Variants in ZNF566 observed in about 807,000 individuals in gnomAD.
The protein encoded by ZNF566 is zinc finger protein 566.
In ZNF566, 27 loss-of-function variants were observed where a neutral mutation model predicts 32.8. That is an observed-to-expected ratio of 0.82 (90% confidence interval 0.61 to 1.14). ZNF566 has a LOEUF of 1.14. ZNF566 is among the 50% of genes most tolerant of loss of function. ZNF566 has a pLI of 0.00. For synonymous variants in ZNF566, 154 were observed against 159.5 expected (o/e 0.97, Z 0.26); for missense variants, 402 against 490.4 (o/e 0.82, Z 1.70).
At chr19:36,480,090 G>T (rs1312219750) in intron 1 of ZNF566, among the ~76,000 whole-genome samples, 3 of 151,944 alleles carry the variant, frequency 2.0e-5, no homozygotes, top group Non-Finnish European at 4.4e-5. Flanking sequence ...CATTTATTTG[G>T]AAATTAGAAG....
chr19:36,458,131 GA>G (rs1182874208), intron 4 of ZNF566, among the ~76,000 whole-genome samples: 4 of 151,884 alleles, frequency 2.6e-5, no homozygotes, highest in East Asian at 1.9e-4. Flanking sequence ...CAGTATGGGG[GA>G]AAAAAAATCT....
chr19:36,487,280 T>C (rs965809715), intron 1 of ZNF566, among the ~76,000 whole-genome samples: 3 of 152,050 alleles, frequency 2.0e-5, no homozygotes, highest in Non-Finnish European at 4.4e-5. Flanking sequence ...ACATGAGAGC[T>C]TCGTAGTATC....
At chr19:36,452,719 CAA>C (rs757984502) in intron 4 of ZNF566, among the ~76,000 whole-genome samples, 86 of 151,886 alleles carry the variant, frequency 5.7e-4, no homozygotes, top group Non-Finnish European at 1.1e-3. Flanking sequence ...AGGACACTAA[CAA>C]TATAAAAATA....
At chr19:36,457,189 T>C (rs1053460358) in intron 4 of ZNF566, among the ~76,000 whole-genome samples, 1 of 152,188 alleles carries the variant, frequency 6.6e-6, no homozygotes, top group Non-Finnish European at 1.5e-5. Context: ...AGAAACTGGA[T>C]AGCCACATGC....
Position 36,473,019 on chromosome 19 carries a change from G to A in ZNF566, c.137-13C>T, listed in dbSNP as rs2033804021. 6.2e-7 allele frequency: 1 copy of A among 1,604,976 alleles called. No homozygotes were observed. The highest frequency in any genetic ancestry group is 2.2e-5 in the East Asian group (1 of 44,812). On this transcript the variant is annotated splice_polypyrimidine_tract_variant and intron_variant, in intron 3 of 4. Coordinates refer to ENST00000452939, the MANE Select transcript of ZNF566 (RefSeq NM_001145344.1). ...GAAATAGAATGCCCTGCTTACAAAA[G>A]AAGTAACAAAACAAATTTATCATGA...
intron 1 of ZNF566, among the ~76,000 whole-genome samples, chr19:36,477,122 T>C (rs982188651): frequency 1.8e-4 from 27 of 152,244 alleles, no homozygotes; most frequent in Middle Eastern, 3.4e-3. Flanking sequence ...GCGATTCTTC[T>C]GCCTCAGCCT....
chr19:36,481,934 CATT>C (rs1264269256), intron 1 of ZNF566, among the ~76,000 whole-genome samples: 1 of 152,062 alleles, frequency 6.6e-6, no homozygotes, highest in Non-Finnish European at 1.5e-5. Flanking sequence ...CAGAATGTAT[CATT>C]AAGAGAAAGA....
chr19:36,456,145 C>T (rs1159796216), intron 4 of ZNF566, among the ~76,000 whole-genome samples: 1 of 151,828 alleles, frequency 6.6e-6, no homozygotes, highest in Non-Finnish European at 1.5e-5. Flanking sequence ...ATCAAGAAGA[C>T]AATCCCATGT....
At chr19:36,487,703 T>C (rs1300787956) in intron 1 of ZNF566, among the ~76,000 whole-genome samples, 1 of 151,972 alleles carries the variant, frequency 6.6e-6, no homozygotes, top group Non-Finnish European at 1.5e-5. Flanking sequence ...AGGTCAGGAC[T>C]AGCTTTGCCA....
In ZNF566 at chr19:36,472,948, C is replaced by A. The variant is rs750951939; in HGVS notation, c.195G>T (p.Trp65Cys). The A allele has an allele frequency of 6.2e-7, 1 of 1,614,036 alleles. No individual in the cohort carries two copies. The highest frequency in any genetic ancestry group is 1.3e-5 in the African/African-American group (1 of 75,044). The change falls in exon 4 of 5, where the codon TGG becomes TGT. Residue 65 changes from tryptophan (W) to cysteine (C), a missense_variant. Around this residue, in one of 3 missense-constraint regions of ZNF566, gnomAD observed 220 missense variants for 241.9 expected, o/e 0.91. Coordinates refer to ENST00000452939, the MANE Select transcript of ZNF566 (RefSeq NM_001145344.1). ...ISYLEQGKEPWLADRELTRGQ... is the reference protein window; with the variant it reads ...ISYLEQGKEPCLADRELTRGQ... The stretch of plus-strand genomic sequence containing the variant: ...CTCTTGTTAGCTCTCTGTCAGCCAA[C>A]CAGGGCTCCTTCCCTTGCTCCAAGT...
intron 4 of ZNF566, among the ~76,000 whole-genome samples, chr19:36,468,185 CAAA>C (rs34868021): frequency 1.7e-4 from 17 of 101,542 alleles, no homozygotes; most frequent in Non-Finnish European, 1.6e-4. Context: ...AACTCTGCCT[CAAA>C]AAAAAAAAAA....
intron 4 of ZNF566, among the ~76,000 whole-genome samples, chr19:36,451,001 A>C (rs1468640187): frequency 6.6e-6 from 1 of 152,244 alleles, no homozygotes; most frequent in Non-Finnish European, 1.5e-5. Flanking sequence ...ATTTCAAATA[A>C]TTTAAGTAAA....
intron 4 of ZNF566, among the ~76,000 whole-genome samples, chr19:36,468,622 T>G (rs1383459819): frequency 1.3e-5 from 2 of 150,556 alleles, no homozygotes; most frequent in Admixed American, 6.6e-5. Flanking sequence ...ACTAAAAAAT[T>G]AGGCAGCTAG....
At chr19:36,482,524 GAA>G (rs2034062182) in intron 1 of ZNF566, among the ~76,000 whole-genome samples, 1 of 151,656 alleles carries the variant, frequency 6.6e-6, no homozygotes, top group Non-Finnish European at 1.5e-5. Context: ...AAAACATACT[GAA>G]AAGAGTGGCA....
At chr19:36,472,208 G>A (rs750006176) in intron 4 of ZNF566, among the ~76,000 whole-genome samples, 2 of 151,978 alleles carry the variant, frequency 1.3e-5, no homozygotes, top group African/African-American at 2.4e-5. Flanking sequence ...GGAGACACAG[G>A]CCCTTTATTT....
intron 4 of ZNF566, among the ~76,000 whole-genome samples, chr19:36,467,434 CA>C (rs34170364): frequency 0.4 from 30,742 of 77,636 alleles, 3,126 homozygotes; most frequent in South Asian, 0.45. Flanking sequence ...GGCTCTGTCT[CA>C]AAAAAAAAAA....
chr19:36,463,603 T>A (rs1433059535), intron 4 of ZNF566, among the ~76,000 whole-genome samples: 2 of 148,938 alleles, frequency 1.3e-5, no homozygotes, highest in Non-Finnish European at 3.0e-5. Context: ...AGTACAGTAG[T>A]ACCATCTTGG....
chr19:36,461,141 A>G (rs757933283), intron 4 of ZNF566, among the ~76,000 whole-genome samples: 9 of 152,178 alleles, frequency 5.9e-5, no homozygotes, highest in Non-Finnish European at 7.3e-5. Flanking sequence ...GACAGCTGTC[A>G]TGTGAGAATG....
chr19:36,481,192 T>C (rs1034465050), intron 1 of ZNF566, among the ~76,000 whole-genome samples: 2 of 151,850 alleles, frequency 1.3e-5, no homozygotes, highest in Non-Finnish European at 2.9e-5. Context: ...CAATGAGGGC[T>C]GGGCACAGGG....
Sources: allele counts gnomAD v4.1 joint callset (sites outside exome capture counted in the v4.1 genomes callset), GRCh38; gene constraint gnomAD v4.1.1; regional missense constraint gnomAD v4.1.1; transcripts MANE v1.5; gene names NCBI Gene and HGNC (gene_info 2026-07-23, HGNC 2026-07-21).